WDR5: variants seen among roughly 807,000 people sequenced by gnomAD.
WDR5 encodes the protein WD repeat domain 5, also known as WD repeat-containing protein 5.
For synonymous variants in WDR5, 144 were observed against 161.6 expected (o/e 0.89, Z 0.83); for missense variants, 187 against 416.9 (o/e 0.45, Z 4.80).
At chr9:134,138,141 G>T (rs1018918635) in intron 1 of WDR5, among the ~76,000 whole-genome samples, 1 of 152,200 alleles carries the variant, frequency 6.6e-6, no homozygotes, top group Non-Finnish European at 1.5e-5. Context: ...GCTTGAGCTG[G>T]GAGGGGCTGG....
chr9:134,144,011 G>T (rs1210421021), intron 7 of WDR5, among the ~76,000 whole-genome samples: 1 of 152,252 alleles, frequency 6.6e-6, no homozygotes, highest in Non-Finnish European at 1.5e-5. Flanking sequence ...TTTGTCCCAT[G>T]CTGCCTGCCC....
At chr9:134,142,134 A>G (rs1357088789) in intron 5 of WDR5, 96 bp downstream of exon 5, 3 of 898,962 alleles carry the variant, frequency 3.3e-6, no homozygotes, top group Non-Finnish European at 1.6e-6. Flanking sequence ...AGCAACACTC[A>G]GCGCTCCTCT....
chr9:134,152,522 G>A (rs1338449495), intron 9 of WDR5, among the ~76,000 whole-genome samples: 3 of 152,228 alleles, frequency 2.0e-5, no homozygotes, highest in African/African-American at 7.2e-5. Flanking sequence ...GCTGGGCAGG[G>A]TGTGGCCTGA....
At position 134,155,159 on chromosome 9, in the gene WDR5, C is replaced by T. The variant is rs570068578; in HGVS notation, c.708-181C>T. On this transcript the variant is annotated intron_variant, in intron 10 of 13. Transcript: ENST00000358625. ...GCGGCTGTCACACTGTGCTCTCAGACGCCAAGTCACTGGACTTTGAGCCTG... is the reference window on the plus strand; with the variant it reads ...GCGGCTGTCACACTGTGCTCTCAGATGCCAAGTCACTGGACTTTGAGCCTG... 1.1e-4 allele frequency among the ~76,000 whole-genome samples: 16 copies of T among 152,360 alleles called. No individual in the cohort carries two copies. In the East Asian group the frequency reaches 2.9e-3, roughly 28 times the overall value.
At chr9:134,139,799 G>C in intron 1 of WDR5, 21 bp from the exon 2 acceptor site, 1 of 1,495,792 alleles carries the variant, frequency 6.7e-7, no homozygotes, top group South Asian at 1.1e-5. Context: ...TTGGCTCCCT[G>C]TTCTGCATCT....
At chr9:134,139,378 G>A (rs1831756604) in intron 1 of WDR5, among the ~76,000 whole-genome samples, 1 of 152,216 alleles carries the variant, frequency 6.6e-6, no homozygotes, top group South Asian at 2.1e-4. Context: ...CACTTGGGGT[G>A]CATTTTAGGA....
At chr9:134,154,976 C>T (rs1248777060) in intron 10 of WDR5, among the ~76,000 whole-genome samples, 1 of 152,228 alleles carries the variant, frequency 6.6e-6, no homozygotes, top group Non-Finnish European at 1.5e-5. Context: ...CGAGCCTGGG[C>T]CCTGATCCTC....
upstream of WDR5, chr9:134,135,430 G>C (rs1831492067): frequency 6.6e-6 from 1 of 152,248 alleles, no homozygotes; most frequent in Non-Finnish European, 1.5e-5. Context: ...CCGCGGGGCT[G>C]GCGGGGAGCA....
In WDR5 at chr9:134,154,383, G is replaced by T. The variant is rs151215643; in HGVS notation, c.632-83G>T. 4,184 of 1,407,342 alleles carry T rather than the reference G, an allele frequency of 3.0e-3. 15 individuals are homozygous for T. Among genetic ancestry groups the T allele is most frequent in the Admixed American group, 4.4e-3 (263 of 59,196 alleles). 87.2% of individuals were successfully genotyped at this position (1,407,342 alleles called of 1,614,324 possible). On this transcript the variant is annotated intron_variant, in intron 9 of 13. Transcript: ENST00000358625. ...CCGACCTCACTCAGATGTCGCACGT[G>T]GGGGATGGGGAGCGGGTCCCACCTC...
At chr9:134,138,618 G>A (rs1471372626) in intron 1 of WDR5, among the ~76,000 whole-genome samples, 1 of 152,204 alleles carries the variant, frequency 6.6e-6, no homozygotes, top group African/African-American at 2.4e-5. Flanking sequence ...GATGCAGCGT[G>A]ATCCATCTTT....
intron 11 of WDR5, 112 bp downstream of exon 11, chr9:134,155,485 C>T: frequency 7.0e-7 from 1 of 1,438,674 alleles, no homozygotes; most frequent in Non-Finnish European, 9.4e-7. Flanking sequence ...AGAGAGCCAT[C>T]TCCGCTGGGT....
At chr9:134,142,462 T>G (rs1376705819) in intron 6 of WDR5, 40 bp downstream of exon 6, 3 of 1,607,800 alleles carry the variant, frequency 1.9e-6, no homozygotes, top group Middle Eastern at 1.7e-4. Context: ...GGAGGTGGTG[T>G]CGGATGTGGG....
chr9:134,147,607 T>G (rs1345774175), intron 7 of WDR5, among the ~76,000 whole-genome samples: 1 of 152,104 alleles, frequency 6.6e-6, no homozygotes. Flanking sequence ...ACAACCTCAG[T>G]CCCATCCCCG....
chr9:134,143,430 C>G (rs891373989), intron 7 of WDR5, among the ~76,000 whole-genome samples: 4 of 152,118 alleles, frequency 2.6e-5, no homozygotes, highest in Non-Finnish European at 4.4e-5. Flanking sequence ...AATCCCAGCT[C>G]CTGGGGAGGC....
rs1286626144 is a variant in WDR5, at chr9:134,142,121, G to T, written c.354+83G>T. On this transcript the variant is annotated intron_variant, in intron 5 of 13. Coordinates refer to ENST00000358625, the MANE Select transcript of WDR5 (RefSeq NM_017588.3). ...TGCGGGGGACTGAGTTGACTGCTCA[G>T]TAAGCAACACTCAGCGCTCCTCTCC... The T allele has an allele frequency of 1.3e-5, 15 of 1,146,864 alleles. No homozygotes were observed. The South Asian group carries it at 1.8e-4, about 14-fold the overall frequency. 71.0% of individuals were successfully genotyped at this position (1,146,864 alleles called of 1,614,324 possible). A position where few individuals can be genotyped will look rare whatever the true frequency, so the allele number is the denominator to read the frequency against.
In WDR5 at chr9:134,142,313, C is replaced by G. The variant is rs758693847; in HGVS notation, c.355-20C>G. 6 of 1,608,380 alleles carry G rather than the reference C, an allele frequency of 3.7e-6. No homozygotes were observed. In the Admixed American group the frequency reaches 1.0e-4, roughly 27 times the overall value. On this transcript the variant is annotated intron_variant, in intron 5 of 13. Transcript: ENST00000358625. Reference sequence around the variant, plus strand: ...TGGGGAAATAAGCACTGGAATAATCCTAATAATACTCTGTTATAGGGCAAG... The same window carrying G: ...TGGGGAAATAAGCACTGGAATAATCGTAATAATACTCTGTTATAGGGCAAG...
At chr9:134,148,480 G>C (rs752093117) in intron 8 of WDR5, 137 bp downstream of exon 8, 11 of 739,274 alleles carry the variant, frequency 1.5e-5, no homozygotes, top group Non-Finnish European at 2.4e-5. Context: ...TTCTGGCCAC[G>C]CTGCAGACAT....
chr9:134,152,125 T>C, intron 9 of WDR5, 96 bp downstream of exon 9: 1 of 1,438,398 alleles, frequency 7.0e-7, no homozygotes. Flanking sequence ...CTCCCTCCTC[T>C]GCCCTGGGTC....
At chr9:134,151,379 T>C (rs1832477695) in intron 8 of WDR5, among the ~76,000 whole-genome samples, 1 of 152,178 alleles carries the variant, frequency 6.6e-6, no homozygotes, top group Non-Finnish European at 1.5e-5. Context: ...TTTGTCCACG[T>C]GTGACCCGAG....
Sources: allele counts gnomAD v4.1 joint callset (sites outside exome capture counted in the v4.1 genomes callset), GRCh38; gene constraint gnomAD v4.1.1; transcripts MANE v1.5; gene names NCBI Gene and HGNC (gene_info 2026-07-23, HGNC 2026-07-21).